ATP8B1: variants seen among roughly 807,000 people sequenced by gnomAD.
ATP8B1 encodes the protein phospholipid-transporting ATPase IC.
In ATP8B1, 80 loss-of-function variants were observed where a neutral mutation model predicts 149.9. The ratio of observed to expected loss-of-function variants is 0.53; its 90% CI spans 0.45 to 0.64. The LOEUF is 0.64. ATP8B1 is among the 30% of genes least tolerant of loss of function. The probability of loss-of-function intolerance (pLI) is 0.00; values close to 1 mark genes in which losing one functional copy is unlikely to be tolerated. For synonymous variants in ATP8B1, 536 were observed against 562.8 expected (o/e 0.95, Z 0.67); for missense variants, 1,247 against 1,552.6 (o/e 0.80, Z 3.31).
At chr18:57,652,281 T>C (rs896966503) in intron 25 of ATP8B1, 109 bp from the exon 26 acceptor site, 8 of 1,500,406 alleles carry the variant, frequency 5.3e-6, no homozygotes, top group Non-Finnish European at 6.4e-6. Flanking sequence ...ATGATGTGGC[T>C]TGAATACTGG....
At chr18:57,652,967 T>C (rs377582761) in intron 24 of ATP8B1, among the ~76,000 whole-genome samples, 1 of 152,194 alleles carries the variant, frequency 6.6e-6, no homozygotes, top group African/African-American at 2.4e-5. Context: ...AGTTTATTAC[T>C]TTGCTACTTA....
chr18:57,778,670 C>T (rs1181570340), intron 1 of ATP8B1, among the ~76,000 whole-genome samples: 1 of 152,206 alleles, frequency 6.6e-6, no homozygotes, highest in Non-Finnish European at 1.5e-5. Context: ...ACTCACAGGG[C>T]TGTTGGCAGG....
At chr18:57,672,927 T>TAA in intron 16 of ATP8B1, among the ~76,000 whole-genome samples, 1 of 36,942 alleles carries the variant, frequency 2.7e-5, no homozygotes, top group African/African-American at 1.4e-4. Context: ...TATATATATA[T>TAA]ATATAACATG....
chr18:57,732,458 G>A (rs1486411108), intron 1 of ATP8B1, among the ~76,000 whole-genome samples: 1 of 151,230 alleles, frequency 6.6e-6, no homozygotes, highest in African/African-American at 2.4e-5. Flanking sequence ...AATGAAACAG[G>A]CTATAAAATA....
chr18:57,672,421 A>G (rs984568159), intron 16 of ATP8B1, among the ~76,000 whole-genome samples: 1 of 152,254 alleles, frequency 6.6e-6, no homozygotes, highest in African/African-American at 2.4e-5. Context: ...GGGACACAGA[A>G]AGCGTTCAGT....
intron 1 of ATP8B1, among the ~76,000 whole-genome samples, chr18:57,758,558 G>C (rs2080108833): frequency 6.7e-6 from 1 of 149,826 alleles, no homozygotes; most frequent in Non-Finnish European, 1.5e-5. Flanking sequence ...TGAGGCAGGA[G>C]AATTGCTTGA....
chr18:57,668,289 T>C (rs1911006668), intron 19 of ATP8B1, 140 bp downstream of exon 19: 1 of 1,331,910 alleles, frequency 7.5e-7, no homozygotes, highest in Non-Finnish European at 1.0e-6. Context: ...AGAGGAGGGT[T>C]TCTCAGAAAA....
At chr18:57,744,629 C>G (rs991956768) in intron 1 of ATP8B1, among the ~76,000 whole-genome samples, 5 of 152,114 alleles carry the variant, frequency 3.3e-5, no homozygotes, top group Non-Finnish European at 7.4e-5. Flanking sequence ...CATTTTTACC[C>G]CATTACTATT....
chr18:57,658,077 T>TGC (rs1910129908), intron 22 of ATP8B1, among the ~76,000 whole-genome samples: 1 of 151,954 alleles, frequency 6.6e-6, no homozygotes, highest in Non-Finnish European at 1.5e-5. Context: ...GATGGAGTCT[T>TGC]TTTCTGTCGC....
At chr18:57,761,491 C>T (rs2080158054) in intron 1 of ATP8B1, among the ~76,000 whole-genome samples, 1 of 152,094 alleles carries the variant, frequency 6.6e-6, no homozygotes, top group African/African-American at 2.4e-5. Context: ...CATCAGAATC[C>T]CACAGTGTGC....
intron 1 of ATP8B1, among the ~76,000 whole-genome samples, chr18:57,762,669 A>T (rs1412118954): frequency 1.3e-5 from 2 of 152,222 alleles, no homozygotes; most frequent in African/African-American, 4.8e-5. Flanking sequence ...GTGATGACAA[A>T]TCGAAGATAT....
At chr18:57,736,276 A>G (rs2079853678) in intron 1 of ATP8B1, among the ~76,000 whole-genome samples, 1 of 152,082 alleles carries the variant, frequency 6.6e-6, no homozygotes, top group South Asian at 2.1e-4. Flanking sequence ...TTCAGCAGGA[A>G]ACACTGTTGA....
chr18:57,760,078 T>C (rs1027055354), intron 1 of ATP8B1, among the ~76,000 whole-genome samples: 10 of 152,076 alleles, frequency 6.6e-5, no homozygotes, highest in Admixed American at 3.3e-4. Flanking sequence ...AAGAAGGAGG[T>C]TGGTGCTGCA....
intron 1 of ATP8B1, among the ~76,000 whole-genome samples, chr18:57,773,213 A>AG (rs1400541143): frequency 6.6e-6 from 1 of 151,220 alleles, no homozygotes; most frequent in South Asian, 2.1e-4. Flanking sequence ...AAAAAAAAAA[A>AG]AAAAAGAAAA....
At chr18:57,694,323 T>G (rs958372203) in intron 11 of ATP8B1, among the ~76,000 whole-genome samples, 1 of 152,022 alleles carries the variant, frequency 6.6e-6, no homozygotes, top group Non-Finnish European at 1.5e-5. Context: ...GTTCCCGTCA[T>G]CAAAGCACTC....
intron 16 of ATP8B1, among the ~76,000 whole-genome samples, chr18:57,673,388 T>C (rs1277141414): frequency 1.3e-5 from 2 of 152,072 alleles, no homozygotes; most frequent in Admixed American, 1.3e-4. Flanking sequence ...TGTGTTAAAT[T>C]TTCTGGTTCT....
chr18:57,704,145 T>C (rs995729013), intron 4 of ATP8B1, among the ~76,000 whole-genome samples: 1 of 152,110 alleles, frequency 6.6e-6, no homozygotes, highest in African/African-American at 2.4e-5. Flanking sequence ...TTTTTGTATT[T>C]TTAGTAGAAA....
intron 1 of ATP8B1, among the ~76,000 whole-genome samples, chr18:57,783,354 A>G (rs1006749755): frequency 2.0e-5 from 3 of 152,186 alleles, no homozygotes; most frequent in Admixed American, 2.0e-4. Flanking sequence ...GTCCTTTGAA[A>G]CTGATGACAG....
At chr18:57,757,912 A>G (rs7237436) in intron 1 of ATP8B1, among the ~76,000 whole-genome samples, 111,200 of 152,068 alleles carry the variant, frequency 0.73, 40,907 homozygotes, top group South Asian at 0.84. Flanking sequence ...CACTGTGGTT[A>G]TGGAATTCAT....
Sources: allele counts gnomAD v4.1 joint callset (sites outside exome capture counted in the v4.1 genomes callset), GRCh38; gene constraint gnomAD v4.1.1; transcripts MANE v1.5; gene names NCBI Gene and HGNC (gene_info 2026-07-23, HGNC 2026-07-21).